DYNC2I1: variants seen among roughly 807,000 people sequenced by gnomAD.
DYNC2I1 encodes dynein 2 intermediate chain 1.
DYNC2I1 carries 89 observed loss-of-function variants against 133.4 expected under a neutral mutation model. That is an observed-to-expected ratio of 0.67 (90% CI 0.56 to 0.80). The LOEUF (loss-of-function observed/expected upper bound fraction) is 0.80. DYNC2I1 is among the 30% of genes least tolerant of loss of function. DYNC2I1 has a pLI of 0.00. For synonymous variants in DYNC2I1, 504 were observed against 484.3 expected (o/e 1.04, Z -0.54); for missense variants, 1,291 against 1,314.5 (o/e 0.98, Z 0.28).
Position 158,920,612 on chromosome 7 carries a change from T to C in DYNC2I1, c.1921+1743T>C, listed in dbSNP as rs181663705. Reference sequence around the variant, plus strand: ...TGAAGTGCATGTGTGTACTGCAGTGTGTGGCCTCCGTTGGGGAACTCGTGA... The same window carrying C: ...TGAAGTGCATGTGTGTACTGCAGTGCGTGGCCTCCGTTGGGGAACTCGTGA... On this transcript the variant is annotated intron_variant, in intron 15 of 24. Transcript: ENST00000407559. Among the ~76,000 whole-genome samples the C allele has an allele frequency of 2.4e-3, 357 of 149,552 alleles. 4 individuals are homozygous for C. Among genetic ancestry groups the C allele is most frequent in the South Asian group, 8.4e-3 (40 of 4,768 alleles).
chr7:158,888,128 G>A (rs1168636924), intron 7 of DYNC2I1, among the ~76,000 whole-genome samples: 4 of 146,596 alleles, frequency 2.7e-5, no homozygotes, highest in Non-Finnish European at 6.0e-5. Context: ...GGGTTCAAGC[G>A]ATTCTCCTGC....
intron 11 of DYNC2I1, among the ~76,000 whole-genome samples, chr7:158,907,839 C>T (rs1847002725): frequency 6.6e-6 from 1 of 151,824 alleles, no homozygotes; most frequent in Non-Finnish European, 1.5e-5. Context: ...TCTTGAACTT[C>T]TGGGCTCAAG....
chr7:158,863,218 G>A (rs1209954977), intron 1 of DYNC2I1, among the ~76,000 whole-genome samples: 2 of 152,022 alleles, frequency 1.3e-5, no homozygotes, highest in African/African-American at 4.8e-5. Flanking sequence ...GCTGATTAGT[G>A]CATTTTTACA....
intron 3 of DYNC2I1, among the ~76,000 whole-genome samples, chr7:158,876,156 A>G (rs2129478085): frequency 6.6e-6 from 1 of 152,226 alleles, no homozygotes; most frequent in East Asian, 1.9e-4. Context: ...GTCTTAGGAG[A>G]AGGTGAAGGG....
intron 4 of DYNC2I1, among the ~76,000 whole-genome samples, chr7:158,952,008 A>C (rs994898860): frequency 2.0e-5 from 3 of 152,138 alleles, no homozygotes; most frequent in East Asian, 1.9e-4. Context: ...ACCACCACCA[A>C]ACCTCACAGG....
chr7:158,923,799 CT>C, intron 17 of DYNC2I1, 66 bp downstream of exon 17: 13 of 1,552,156 alleles, frequency 8.4e-6, no homozygotes, highest in Non-Finnish European at 1.1e-5. Flanking sequence ...AGGAACAAAG[CT>C]TTACATGGAT....
rs897617232 is a variant in DYNC2I1 at position 158,884,764 on chromosome 7, A to C, written c.935+145A>C. On this transcript the variant is annotated intron_variant, in intron 6 of 24. Transcript: ENST00000407559. Reference sequence around the variant, plus strand: ...TCATTTTCTCTAGATTTTACCCCTTAGCCCCTCCAAATGGGTTGGTAGGTT... The same window carrying C: ...TCATTTTCTCTAGATTTTACCCCTTCGCCCCTCCAAATGGGTTGGTAGGTT... 5 of 696,664 alleles carry C rather than the reference A, an allele frequency of 7.2e-6. No individual in the cohort carries two copies. In the African/African-American group the frequency reaches 9.2e-5, roughly 13 times the overall value. 43.2% of individuals were successfully genotyped at this position (696,664 alleles called of 1,614,324 possible).
chr7:158,910,423 TGTGTCAGGCCTGTGGGCC>T (rs1847301681), intron 11 of DYNC2I1, among the ~76,000 whole-genome samples: 1 of 88,942 alleles, frequency 1.1e-5, no homozygotes, highest in Non-Finnish European at 2.1e-5. Context: ...CGCGATTGGC[TGTGTCAGGCCTGTGGGCC>T]GAGGGCAATT....
intron 1 of DYNC2I1, among the ~76,000 whole-genome samples, chr7:158,857,978 A>G (rs987117468): frequency 1.3e-5 from 2 of 151,862 alleles, no homozygotes; most frequent in African/African-American, 2.4e-5. Flanking sequence ...TTTAGTAGGG[A>G]TGGGGTTTCT....
At chr7:158,937,104 A>G (rs1054559592) in intron 23 of DYNC2I1, among the ~76,000 whole-genome samples, 1 of 152,242 alleles carries the variant, frequency 6.6e-6, no homozygotes, top group African/African-American at 2.4e-5. Context: ...CCAAGAGTTC[A>G]GAAGAGCAAT....
At chr7:158,954,782 T>C (rs1252497512) in intron 4 of DYNC2I1, among the ~76,000 whole-genome samples, 1 of 152,184 alleles carries the variant, frequency 6.6e-6, no homozygotes, top group Non-Finnish European at 1.5e-5. Flanking sequence ...TATTATAGCA[T>C]TTCTAGAGTC....
the DYNC2I1 span, among the ~76,000 whole-genome samples, chr7:158,845,339 CAT>C: frequency 6.6e-6 from 1 of 152,108 alleles, no homozygotes; most frequent in African/African-American, 2.4e-5. Context: ...CTCAAGTTCA[CAT>C]GACTTAAGTA....
intron 7 of DYNC2I1, among the ~76,000 whole-genome samples, chr7:158,890,179 A>C (rs930819595): frequency 6.6e-6 from 1 of 152,168 alleles, no homozygotes; most frequent in Non-Finnish European, 1.5e-5. Context: ...AGTCACATTA[A>C]AAACATACAG....
downstream of DYNC2I1, among the ~76,000 whole-genome samples, chr7:158,948,297 A>T (rs1242955195): frequency 6.6e-6 from 1 of 152,198 alleles, no homozygotes; most frequent in Admixed American, 6.5e-5. Context: ...CTCCAAGCCC[A>T]CCCTGGTGCC....
At chr7:158,864,902 G>A (rs1842264247) in intron 1 of DYNC2I1, among the ~76,000 whole-genome samples, 1 of 152,204 alleles carries the variant, frequency 6.6e-6, no homozygotes, top group Admixed American at 6.5e-5. Flanking sequence ...AAAAGAGGAG[G>A]CTGGGTTAGA....
At chr7:158,939,786 A>G (rs1280972503) in intron 23 of DYNC2I1, among the ~76,000 whole-genome samples, 2 of 152,220 alleles carry the variant, frequency 1.3e-5, no homozygotes, top group African/African-American at 4.8e-5. Context: ...ATTCTATACA[A>G]CTAGAAACCA....
intron 14 of DYNC2I1, among the ~76,000 whole-genome samples, chr7:158,914,767 C>T (rs977777329): frequency 2.0e-5 from 3 of 152,190 alleles, no homozygotes; most frequent in Non-Finnish European, 2.9e-5. Context: ...TGGTTATCAC[C>T]TCATGGCTGT....
chr7:158,943,992 C>T (rs1585262110), intron 24 of DYNC2I1, among the ~76,000 whole-genome samples: 1 of 152,166 alleles, frequency 6.6e-6, no homozygotes, highest in African/African-American at 2.4e-5. Flanking sequence ...TGTTGAGCAG[C>T]CAGAGGGACC....
chr7:158,893,177 C>T (rs1845406002), intron 8 of DYNC2I1, among the ~76,000 whole-genome samples: 1 of 152,110 alleles, frequency 6.6e-6, no homozygotes, highest in South Asian at 2.1e-4. Context: ...CGTGGATCCA[C>T]CACAGGGCAT....
Sources: allele counts gnomAD v4.1 joint callset (sites outside exome capture counted in the v4.1 genomes callset), GRCh38; gene constraint gnomAD v4.1.1; transcripts MANE v1.5; gene names NCBI Gene and HGNC (gene_info 2026-07-23, HGNC 2026-07-21).